Variants in ARHGAP26 observed in about 807,000 individuals in gnomAD.
ARHGAP26 encodes the protein Rho GTPase activating protein 26, also known as rho GTPase-activating protein 26.
In ARHGAP26, 38 loss-of-function variants were observed where a neutral mutation model predicts 104.8. The ratio of observed to expected loss-of-function variants is 0.36; its 90% confidence interval spans 0.28 to 0.48. The LOEUF (loss-of-function observed/expected upper bound fraction) is 0.48. Among genes scored for constraint, ARHGAP26 ranks in the 20% least tolerant of loss-of-function variants. The pLI, the probability that ARHGAP26 is intolerant of heterozygous loss-of-function variation, is 0.99. For missense variants in ARHGAP26, 704 were observed against 947.9 expected (o/e 0.74, Z 3.38); for synonymous variants, 341 against 340.0 (o/e 1.00, Z -0.03).
chr5:142,790,786 T>G (rs1046517305), intron 1 of ARHGAP26, among the ~76,000 whole-genome samples: 8 of 152,140 alleles, frequency 5.3e-5, no homozygotes, highest in Non-Finnish European at 1.2e-4. Flanking sequence ...TCATCAGCCT[T>G]TCATCCTTCA....
At chr5:142,947,447 G>A (rs1015589700) in intron 11 of ARHGAP26, among the ~76,000 whole-genome samples, 1 of 152,134 alleles carries the variant, frequency 6.6e-6, no homozygotes, top group African/African-American at 2.4e-5. Flanking sequence ...GCTATGCAAG[G>A]CATTTTGGAT....
chr5:143,070,447 G>C (rs1335908480), intron 17 of ARHGAP26, among the ~76,000 whole-genome samples: 2 of 152,200 alleles, frequency 1.3e-5, no homozygotes, highest in African/African-American at 4.8e-5. Context: ...ATTTAACTAA[G>C]ACGATTGAAA....
intron 20 of ARHGAP26, among the ~76,000 whole-genome samples, chr5:143,193,376 T>C (rs1421750146): frequency 6.7e-6 from 1 of 149,626 alleles, no homozygotes; most frequent in Non-Finnish European, 1.5e-5. Context: ...GCCTCTTGAA[T>C]AGCTGCGATC....
At chr5:142,944,839 A>G (rs1340497244) in intron 11 of ARHGAP26, among the ~76,000 whole-genome samples, 2 of 152,174 alleles carry the variant, frequency 1.3e-5, no homozygotes, top group South Asian at 4.1e-4. Context: ...CCCAAGGTAC[A>G]AACCTAAGTT....
In ARHGAP26 at chr5:143,107,628, A is replaced by G. The variant is rs145394739; in HGVS notation, c.1539-13360A>G. On this transcript the variant is annotated intron_variant, in intron 17 of 22. Coordinates refer to ENST00000645722, the MANE Select transcript of ARHGAP26 (RefSeq NM_001135608.3). ...AACACTTTGACTTCCCCTTTGAAAA[A>G]TATCTGTTTAGGTTTGGGCTTTGTG... Among the ~76,000 whole-genome samples, 105 of 152,346 alleles carry G rather than the reference A, an allele frequency of 6.9e-4. 2 individuals are homozygous for G. The highest frequency in any genetic ancestry group is 2.7e-3 in the Admixed American group (42 of 15,312).
At chr5:142,894,460 A>G in intron 6 of ARHGAP26, 112 bp downstream of exon 6, 1 of 934,854 alleles carries the variant, frequency 1.1e-6, no homozygotes, top group South Asian at 1.5e-5. Context: ...AGCAGCCCTG[A>G]CACTGTCCCT....
chr5:142,972,560 A>G (rs368635302), intron 11 of ARHGAP26, among the ~76,000 whole-genome samples: 5 of 152,320 alleles, frequency 3.3e-5, no homozygotes, highest in African/African-American at 1.2e-4. Context: ...TTTAAGGCAT[A>G]CAACATGATT....
intron 1 of ARHGAP26, among the ~76,000 whole-genome samples, chr5:142,820,963 G>A (rs1225559892): frequency 2.0e-5 from 3 of 152,134 alleles, no homozygotes; most frequent in Non-Finnish European, 4.4e-5. Flanking sequence ...CAAATTACCC[G>A]GGAAGGCAAT....
At chr5:143,118,800 G>GA (rs1795787668) in intron 17 of ARHGAP26, among the ~76,000 whole-genome samples, 1 of 151,938 alleles carries the variant, frequency 6.6e-6, no homozygotes, top group African/African-American at 2.4e-5. Context: ...GGGGTGGGGA[G>GA]AGGGGGGAGG....
intron 12 of ARHGAP26, among the ~76,000 whole-genome samples, chr5:143,015,409 G>A (rs768718767): frequency 2.6e-5 from 4 of 152,298 alleles, no homozygotes; most frequent in Non-Finnish European, 5.9e-5. Flanking sequence ...CTAGGAACCC[G>A]GTGAGAAAGG....
At chr5:142,923,052 G>A (rs153166) in intron 10 of ARHGAP26, among the ~76,000 whole-genome samples, 76,850 of 151,642 alleles carry the variant, frequency 0.51, 23,143 homozygotes, top group East Asian at 0.91. Flanking sequence ...AGTTCTTGGA[G>A]TCTTAGAATT....
rs113027541 is a variant in ARHGAP26 at position 143,142,714 on chromosome 5, T to C, written c.1838-4517T>C. Among the ~76,000 whole-genome samples the C allele has an allele frequency of 9.1e-3, 1,381 of 152,238 alleles. 20 individuals are homozygous for C. The highest frequency in any genetic ancestry group is 0.032 in the African/African-American group (1,322 of 41,518). The stretch of plus-strand genomic sequence containing the variant: ...AGAAAGTCTGATTCCAAGCTTCCCA[T>C]GTACTTGGGTATTTCCCAGAGATGG... On this transcript the variant is annotated intron_variant, in intron 19 of 22. Coordinates refer to ENST00000645722, the MANE Select transcript of ARHGAP26 (RefSeq NM_001135608.3).
intron 1 of ARHGAP26, among the ~76,000 whole-genome samples, chr5:142,814,938 C>T (rs1597742313): frequency 1.3e-5 from 2 of 152,190 alleles, no homozygotes. Flanking sequence ...GAGGCTGTTT[C>T]CCTAGTCAGT....
intron 1 of ARHGAP26, among the ~76,000 whole-genome samples, chr5:142,832,082 T>C (rs1452451071): frequency 6.6e-6 from 1 of 152,218 alleles, no homozygotes; most frequent in African/African-American, 2.4e-5. Flanking sequence ...TGGTATACCC[T>C]GTCAGTGGAC....
intron 2 of ARHGAP26, 144 bp downstream of exon 2, chr5:142,873,639 T>C (rs1045498376): frequency 3.6e-6 from 2 of 555,952 alleles, no homozygotes; most frequent in Non-Finnish European, 5.9e-6. Context: ...GCCAGAGATA[T>C]GTGAGGATCG....
intron 20 of ARHGAP26, chr5:143,203,254 G>A (rs974387813): frequency 6.6e-6 from 1 of 152,062 alleles, no homozygotes; most frequent in Admixed American, 6.6e-5. Context: ...TCAAAAAGTG[G>A]GTGAAGGATA....
Position 142,889,792 on chromosome 5 carries a change from C to T in ARHGAP26, c.486+4393C>T, listed in dbSNP as rs114955589. 1.5e-3 allele frequency among the ~76,000 whole-genome samples: 229 copies of T among 151,780 alleles called. 1 individual carries two copies. The highest frequency in any genetic ancestry group is 5.2e-3 in the African/African-American group (215 of 41,418). ...AATCTTCTTCAGGTTGTGAGTGTGTCGCAAAATCACAGTTTTTGGGTTATG... is the reference window on the plus strand; with the variant it reads ...AATCTTCTTCAGGTTGTGAGTGTGTTGCAAAATCACAGTTTTTGGGTTATG... On this transcript the variant is annotated intron_variant, in intron 5 of 22. Coordinates refer to ENST00000645722, the MANE Select transcript of ARHGAP26 (RefSeq NM_001135608.3).
At chr5:143,208,417 T>C (rs1808936913) in intron 21 of ARHGAP26, among the ~76,000 whole-genome samples, 1 of 152,226 alleles carries the variant, frequency 6.6e-6, no homozygotes, top group Admixed American at 6.5e-5. Flanking sequence ...AAATAATTTA[T>C]GAAGCCGAGT....
intron 22 of ARHGAP26, among the ~76,000 whole-genome samples, chr5:143,221,131 A>G (rs567198523): frequency 2.0e-5 from 3 of 152,328 alleles, no homozygotes; most frequent in Admixed American, 2.0e-4. Flanking sequence ...TCTTAGTCCC[A>G]TGATTCCTTC....
Sources: gnomAD v4.1 joint callset for allele counts (sites outside exome capture counted in the v4.1 genomes callset) on GRCh38, gnomAD v4.1.1 for gene constraint, MANE v1.5 for transcripts, NCBI Gene and HGNC (gene_info 2026-07-23, HGNC 2026-07-21) for gene names.